Variants in ZUP1 observed in about 807,000 individuals in gnomAD.
ZUP1 encodes the protein zinc finger containing ubiquitin peptidase 1, also known as zinc finger-containing ubiquitin peptidase 1.
A neutral mutation model predicts 68.1 loss-of-function variants in ZUP1; 55 were observed. The ratio of observed to expected loss-of-function variants is 0.81; its 90% CI spans 0.65 to 1.01. The LOEUF is 1.01. Ranked by LOEUF, ZUP1 falls within the 50% of genes least tolerant of loss-of-function variation. The probability of loss-of-function intolerance (pLI) is 0.00; values close to 1 mark genes in which losing one functional copy is unlikely to be tolerated. For missense variants in ZUP1, 684 were observed against 674.9 expected, an observed-to-expected ratio of 1.01 and a Z score of -0.15; for synonymous variants, 223 against 221.5, an observed-to-expected ratio of 1.01 and a Z score of -0.06.
rs1262633974 is a variant in ZUP1, at chr6:116,659,703, A to C, written c.671-779T>G. ...ATAATTTAATTACAGTTTGGCCCCC[A>C]AAAATGGTAAAACTTTGCAACATCT... is the stretch of plus-strand genomic sequence containing the variant. On this transcript the variant is annotated intron_variant, in intron 3 of 9. Transcript: ENST00000368576. 7.9e-5 allele frequency among the ~76,000 whole-genome samples: 12 copies of C among 152,206 alleles called. No individual in the cohort carries two copies. The South Asian group carries it at 8.3e-4, about 11-fold the overall frequency.
chr6:116,656,792 T>A lies in ZUP1; in HGVS notation c.853A>T (p.Ile285Leu). The A allele has an allele frequency of 6.2e-7, 1 of 1,610,690 alleles. No individual in the cohort carries two copies. The highest frequency in any genetic ancestry group is 1.1e-5 in the South Asian group (1 of 90,764). Residue 285 changes from isoleucine to leucine, a missense_variant, in exon 5 of 10, where the codon ATA (isoleucine) becomes TTA (leucine). Ile to Leu is a conservative substitution (Grantham distance 5, BLOSUM62 2). Transcript: ENST00000368576. ...YKQQQLRNME[I>L]EVNRGRMPPS... is the part of the protein sequence containing the mutation. The stretch of plus-strand genomic sequence containing the variant: ...GGCATTCTTCCCCTATTTACTTCTA[T>A]CTCCATATTTCGTAGTTGTTGTTGT...
intron 9 of ZUP1, among the ~76,000 whole-genome samples, chr6:116,639,979 A>C (rs1342614760): frequency 6.6e-6 from 1 of 152,262 alleles, no homozygotes; most frequent in Non-Finnish European, 1.5e-5. Flanking sequence ...TAACCAATAC[A>C]GAGAAGTGCT....
At chr6:116,665,227 T>A (rs1437979741) in intron 2 of ZUP1, among the ~76,000 whole-genome samples, 2 of 152,142 alleles carry the variant, frequency 1.3e-5, no homozygotes, top group East Asian at 3.9e-4. Flanking sequence ...TTAAAATAAC[T>A]ATACAAAAAA....
At chr6:116,662,876 C>T (rs1776886939) in intron 2 of ZUP1, among the ~76,000 whole-genome samples, 1 of 152,132 alleles carries the variant, frequency 6.6e-6, no homozygotes, top group African/African-American at 2.4e-5. Flanking sequence ...GCATCATCTA[C>T]CTTTCTTAGT....
Position 116,660,822 on chromosome 6 carries a change from C to G in ZUP1, c.584G>C (p.Cys195Ser). The change falls in exon 3 of 10, where the codon TGT becomes TCT. Residue 195 changes from cysteine to serine, a missense_variant. By Grantham distance (112) the Cys-to-Ser change is moderately radical. Transcript: ENST00000368576. ...TGTACATATGAGCCCACACATAGGA[C>G]AATCATAGAGTGGTTGATCACAGTC... ...LEDCDQPLYD[C>S]PMCGLICTNY... is the part of the protein sequence containing the mutation. The G allele has an allele frequency of 6.3e-7, 1 of 1,598,800 alleles. No homozygotes were observed. Among genetic ancestry groups the G allele is most frequent in the Non-Finnish European group, 8.6e-7 (1 of 1,168,656 alleles).
At chr6:116,648,896 G>C (rs536405631) in intron 7 of ZUP1, among the ~76,000 whole-genome samples, 1 of 152,074 alleles carries the variant, frequency 6.6e-6, no homozygotes, top group East Asian at 1.9e-4. Context: ...CTTAAGCCTG[G>C]GAGGCAGGGG....
At chr6:116,657,501 A>G (rs1405472356) in intron 4 of ZUP1, among the ~76,000 whole-genome samples, 1 of 152,164 alleles carries the variant, frequency 6.6e-6, no homozygotes, top group Non-Finnish European at 1.5e-5. Context: ...AAGAAAAGCC[A>G]ATTTTCTTTC....
intron 8 of ZUP1, among the ~76,000 whole-genome samples, chr6:116,647,082 C>T (rs1266534038): frequency 6.6e-6 from 1 of 152,104 alleles, no homozygotes; most frequent in Non-Finnish European, 1.5e-5. Context: ...TCTTAATTAC[C>T]TAAGAAAGTA....
intron 4 of ZUP1, among the ~76,000 whole-genome samples, chr6:116,658,092 T>TCAAACAAA (rs146558172): frequency 2.0e-5 from 3 of 152,036 alleles, no homozygotes; most frequent in African/African-American, 7.3e-5. Context: ...AAACTCCGTC[T>TCAAACAAA]CAAACAAACA....
intron 2 of ZUP1, among the ~76,000 whole-genome samples, chr6:116,664,573 CAAAGA>C (rs1776942875): frequency 6.6e-6 from 1 of 151,580 alleles, no homozygotes; most frequent in African/African-American, 2.4e-5. Context: ...CTTTAAAACT[CAAAGA>C]AAAGAAAGAA....
At chr6:116,662,604 C>A (rs1776877289) in intron 2 of ZUP1, among the ~76,000 whole-genome samples, 1 of 152,180 alleles carries the variant, frequency 6.6e-6, no homozygotes, top group Non-Finnish European at 1.5e-5. Context: ...TACCACAATG[C>A]CCTCAGAAAT....
In ZUP1 at chr6:116,647,468, G is replaced by C. The variant is rs949436790; in HGVS notation, c.1459C>G (p.Gln487Glu). 1.8e-5 allele frequency: 28 copies of C among 1,563,070 alleles called. No individual in the cohort carries two copies. Among genetic ancestry groups the C allele is most frequent in the Non-Finnish European group, 2.3e-5 (26 of 1,148,798 alleles). ...VCTSKPPIYL[Q>E]HQGHSRTVIG... ...TTATATTAATACTAACCTTGATGCT[G>C]AAGATAGATAGGAGGTTTAGATGTA... Residue 487 changes from glutamine to glutamate, a missense_variant, in exon 8 of 10, where the codon CAG (glutamine) becomes GAG (glutamate). Coordinates refer to ENST00000368576, the MANE Select transcript of ZUP1 (RefSeq NM_145062.3).
intron 9 of ZUP1, among the ~76,000 whole-genome samples, chr6:116,644,389 C>T (rs912704212): frequency 5.9e-5 from 9 of 152,146 alleles, no homozygotes; most frequent in Admixed American, 2.0e-4. Context: ...CACATGCACA[C>T]GTATGTTTAT....
At chr6:116,650,814 T>C (rs376670767) in intron 7 of ZUP1, among the ~76,000 whole-genome samples, 207 of 152,182 alleles carry the variant, frequency 1.4e-3, no homozygotes, top group African/African-American at 4.7e-3. Context: ...CCACACCCCA[T>C]GGTGAAATTT....
At chr6:116,642,171 A>C (rs369950879) in intron 9 of ZUP1, among the ~76,000 whole-genome samples, 13 of 152,102 alleles carry the variant, frequency 8.5e-5, no homozygotes, top group East Asian at 5.8e-4. Flanking sequence ...CAATAACAGG[A>C]TCTGAAATTG....
At chr6:116,664,572 T>G (rs1408028238) in intron 2 of ZUP1, among the ~76,000 whole-genome samples, 1 of 151,818 alleles carries the variant, frequency 6.6e-6, no homozygotes, top group African/African-American at 2.4e-5. Context: ...GCTTTAAAAC[T>G]CAAAGAAAAG....
Position 116,664,879 on chromosome 6 carries a change from GACAC to G in ZUP1, c.559+1751_559+1754del, listed in dbSNP as rs144584776. Among the ~76,000 whole-genome samples the G allele has an allele frequency of 7.6e-3, 1,116 of 147,180 alleles. 12 individuals carry two copies. The highest frequency in any genetic ancestry group is 0.033 in the East Asian group (163 of 5,010). Reference sequence around the variant, plus strand: ...AAATATACACATGTACACAAGTACAGACACACACACACACACACACACACACAAT... The same window carrying G: ...AAATATACACATGTACACAAGTACAGACACACACACACACACACACACAAT... On this transcript the variant is annotated intron_variant, in intron 2 of 9. Transcript: ENST00000368576.
At chr6:116,652,745 T>G (rs1367529164) in intron 5 of ZUP1, among the ~76,000 whole-genome samples, 1 of 152,062 alleles carries the variant, frequency 6.6e-6, no homozygotes, top group African/African-American at 2.4e-5. Flanking sequence ...TTTGGGGAGA[T>G]TAATTAATTT....
At chr6:116,641,700 G>A (rs533887078) in intron 9 of ZUP1, among the ~76,000 whole-genome samples, 5 of 151,850 alleles carry the variant, frequency 3.3e-5, no homozygotes, top group Non-Finnish European at 2.9e-5. Context: ...GTGTGTAGAG[G>A]GAAATTTATA....
Sources: allele counts gnomAD v4.1 joint callset (sites outside exome capture counted in the v4.1 genomes callset), GRCh38; gene constraint gnomAD v4.1.1; transcripts MANE v1.5; gene names NCBI Gene and HGNC (gene_info 2026-07-23, HGNC 2026-07-21).